Variants in PRDM2 observed in about 807,000 individuals in gnomAD.
PRDM2 encodes the protein PR domain zinc finger protein 2.
Under a neutral mutation model 130.0 loss-of-function variants are expected in PRDM2, and 30 were observed. That is an observed-to-expected ratio of 0.23 (90% confidence interval 0.17 to 0.31). The LOEUF is 0.31. Among genes scored for constraint, PRDM2 ranks in the 10% least tolerant of loss-of-function variants. The pLI, the probability that PRDM2 is intolerant of heterozygous loss-of-function variation, is 1.00. For synonymous variants in PRDM2, 871 were observed against 782.4 expected (o/e 1.11, Z -1.89); for missense variants, 2,011 against 2,108.4 (o/e 0.95, Z 0.90).
At chr1:13,796,799 G>C (rs1180845986) in intron 8 of PRDM2, among the ~76,000 whole-genome samples, 1 of 152,218 alleles carries the variant, frequency 6.6e-6, no homozygotes, top group African/African-American at 2.4e-5. Flanking sequence ...TCTTGGTTCT[G>C]TGCTGGTAAG....
chr1:13,742,093 CAGG>C lies in PRDM2; in HGVS notation c.323_325del (p.Gly108del), dbSNP rs1234528463. ...CTGCGATATGTGAATTGGGCTTGCT[CAGG>C]AGAAGAGCAAAATTTATTCCCACTG... On this transcript the variant is annotated inframe_deletion, in exon 5 of 10. Transcript: ENST00000311066. The C allele has an allele frequency of 2.5e-6, 4 of 1,613,492 alleles. No homozygotes were observed. Among genetic ancestry groups the C allele is most frequent in the Non-Finnish European group, 2.5e-6 (3 of 1,179,446 alleles).
At chr1:13,727,899 A>T (rs1055378503) in intron 2 of PRDM2, among the ~76,000 whole-genome samples, 2 of 152,242 alleles carry the variant, frequency 1.3e-5, no homozygotes, top group African/African-American at 4.8e-5. Flanking sequence ...CAGGATATGT[A>T]CCAAGAAGAG....
At position 13,781,082 on chromosome 1, in the gene PRDM2, C is replaced by G. The variant is rs917159286; in HGVS notation, c.3287C>G (p.Pro1096Arg). 3.1e-6 allele frequency: 5 copies of G among 1,613,586 alleles called. No individual in the cohort carries two copies. Among genetic ancestry groups the G allele is most frequent in the Non-Finnish European group, 4.2e-6 (5 of 1,179,650 alleles). Residue 1096 changes from proline (P) to arginine (R), a missense_variant, in exon 8 of 10, where the codon CCC (proline) becomes CGC (arginine). Around this residue, in one of 5 missense-constraint regions of PRDM2, gnomAD observed 1,288 missense variants for 1,237.7 expected, o/e 1.04. Coordinates refer to ENST00000311066, the MANE Select transcript of PRDM2 (RefSeq NM_001393986.1). The surrounding 1 kb of genome is among the most constrained non-coding windows in gnomAD (Gnocchi z 6.1). ...GGTGATAATCTGGAGGCTTCTCTCC[C>G]CATGATATCTTTCAAACAGGAGGAA... ...SSGDNLEASL[P>R]MISFKQEELE...
At chr1:13,802,692 G>A (rs1380092545) in intron 8 of PRDM2, among the ~76,000 whole-genome samples, 1 of 152,154 alleles carries the variant, frequency 6.6e-6, no homozygotes, top group Non-Finnish European at 1.5e-5. Flanking sequence ...CATCTAAAAA[G>A]GGCTCTTCTG....
chr1:13,810,230 C>A (rs897483742), intron 8 of PRDM2, among the ~76,000 whole-genome samples: 1 of 152,102 alleles, frequency 6.6e-6, no homozygotes, highest in Admixed American at 6.6e-5. Context: ...GCATGGAACC[C>A]GGGACATCAT....
chr1:13,755,949 C>T (rs1270452328), intron 6 of PRDM2, among the ~76,000 whole-genome samples: 1 of 151,828 alleles, frequency 6.6e-6, no homozygotes, highest in Non-Finnish European at 1.5e-5. Flanking sequence ...AAAGTTGCCT[C>T]TAAAGAATTG....
chr1:13,761,387 C>A (rs972266408), intron 6 of PRDM2, among the ~76,000 whole-genome samples: 1 of 151,992 alleles, frequency 6.6e-6, no homozygotes, highest in Non-Finnish European at 1.5e-5. Context: ...AACAAATGGA[C>A]GAAAGGACAG....
chr1:13,733,470 G>A (rs1308443170), intron 4 of PRDM2, among the ~76,000 whole-genome samples: 2 of 152,150 alleles, frequency 1.3e-5, no homozygotes, highest in African/African-American at 4.8e-5. Context: ...TTCCCTGGGG[G>A]GCTCCACCCG....
intron 5 of PRDM2, among the ~76,000 whole-genome samples, chr1:13,744,613 T>C (rs891717440): frequency 6.6e-6 from 1 of 152,204 alleles, no homozygotes; most frequent in Non-Finnish European, 1.5e-5. Flanking sequence ...AACTGCTTCA[T>C]AGTTTGTTGT....
At chr1:13,801,733 G>C (rs1645009631) in intron 8 of PRDM2, among the ~76,000 whole-genome samples, 1 of 152,230 alleles carries the variant, frequency 6.6e-6, no homozygotes. Flanking sequence ...TGATTATGAG[G>C]ACAAATACAG....
chr1:13,782,507 C>T lies in PRDM2; in HGVS notation c.4712C>T (p.Ser1571Phe). 2 of 1,614,126 alleles carry T rather than the reference C, an allele frequency of 1.2e-6. No homozygotes were observed. Among genetic ancestry groups the T allele is most frequent in the Non-Finnish European group, 1.7e-6 (2 of 1,180,030 alleles). The part of the protein sequence containing the change: ...ASVKSKKPSS[S>F]SLRNSSPIRM... ...GTGAAATCCAAAAAACCAAGCTCCT[C>T]CTCTTTAAGGAACTCCAGCCCGATA... Residue 1571 changes from serine to phenylalanine, a missense_variant, in exon 8 of 10, where the codon TCC becomes TTC. Ser to Phe is a radical substitution (Grantham distance 155). Around this residue, in one of 5 missense-constraint regions of PRDM2, gnomAD observed 410 missense variants for 395.9 expected, o/e 1.04. Coordinates refer to ENST00000311066, the MANE Select transcript of PRDM2 (RefSeq NM_001393986.1).
At chr1:13,720,988 CA>C (rs1642709383) in intron 2 of PRDM2, among the ~76,000 whole-genome samples, 1 of 152,196 alleles carries the variant, frequency 6.6e-6, no homozygotes, top group South Asian at 2.1e-4. Flanking sequence ...TCTGTCACCC[CA>C]AAAAGTTCTT....
chr1:13,756,879 A>G (rs185615110), intron 6 of PRDM2, among the ~76,000 whole-genome samples: 5 of 152,324 alleles, frequency 3.3e-5, no homozygotes, highest in Admixed American at 2.0e-4. Context: ...CCATATCCTC[A>G]TTTGTAGAAG....
intron 6 of PRDM2, among the ~76,000 whole-genome samples, chr1:13,750,428 T>C (rs906018695): frequency 2.6e-5 from 4 of 152,094 alleles, no homozygotes; most frequent in African/African-American, 9.7e-5. Flanking sequence ...AGGTCTTAAG[T>C]AGATTTCTTT....
At position 13,778,355 on chromosome 1, in the gene PRDM2, G is replaced by A. The variant is rs200339927; in HGVS notation, c.623-63G>A. 2,752 of 1,461,186 alleles carry A rather than the reference G, an allele frequency of 1.9e-3. 72 individuals carry two copies. In the South Asian group the frequency reaches 0.034, roughly 18 times the overall value. The allele number at this position is 1,461,186 out of a possible 1,614,324, so 90.5% of individuals were successfully genotyped here. A position where few individuals can be genotyped will look rare whatever the true frequency, so the allele number is the denominator to read the frequency against. On this transcript the variant is annotated intron_variant, in intron 7 of 9. Coordinates refer to ENST00000311066, the MANE Select transcript of PRDM2 (RefSeq NM_001393986.1). ...AGAAATAACTTGAATCATTCAGATT[G>A]TTCACCAAGTAGCTGGTTTCCCATG...
intron 1 of PRDM2, among the ~76,000 whole-genome samples, chr1:13,709,880 CTA>C (rs1257544667): frequency 6.6e-6 from 1 of 152,132 alleles, no homozygotes; most frequent in African/African-American, 2.4e-5. Context: ...TAAGTGACCT[CTA>C]TGTGTCTATT....
chr1:13,700,862 ATGTGTGTGTGTGCGCACGCGCGCG>A (rs1374836017), intron 1 of PRDM2, among the ~76,000 whole-genome samples: 3 of 152,024 alleles, frequency 2.0e-5, no homozygotes, highest in Admixed American at 1.3e-4. Flanking sequence ...CCACGGGTGT[ATGTGTGTGTGTGCGCACGCGCGCG>A]TGTGTGTGTG....
chr1:13,783,098 C>A, intron 8 of PRDM2: 1 of 739,228 alleles, frequency 1.4e-6, no homozygotes, highest in Non-Finnish European at 2.1e-6. Context: ...TATAGAAAAG[C>A]TCTCAAAAGT....
At chr1:13,710,597 T>C (rs978264551) in intron 1 of PRDM2, among the ~76,000 whole-genome samples, 20 of 152,118 alleles carry the variant, frequency 1.3e-4, no homozygotes, top group Non-Finnish European at 7.4e-5. Flanking sequence ...GACTGATAAA[T>C]ATTAAGGTGG....
Sources: gnomAD v4.1 joint callset for allele counts (sites outside exome capture counted in the v4.1 genomes callset) on GRCh38, gnomAD v4.1.1 for gene constraint, gnomAD v4.1.1 regional missense constraint, Gnocchi (gnomAD v3.1) non-coding constraint, MANE v1.5 for transcripts, NCBI Gene and HGNC (gene_info 2026-07-23, HGNC 2026-07-21) for gene names.